RIOK3: variants seen among roughly 807,000 people sequenced by gnomAD.
RIOK3 encodes serine/threonine-protein kinase RIO3.
RIOK3 carries 40 observed loss-of-function variants against 63.5 expected under a neutral mutation model. The observed-to-expected ratio is 0.63, with a 90% CI of 0.49 to 0.82. The LOEUF is 0.82. Ranked by LOEUF, RIOK3 falls within the 40% of genes least tolerant of loss-of-function variation. The pLI, the probability that RIOK3 is intolerant of heterozygous loss-of-function variation, is 0.00. For synonymous variants in RIOK3, 193 were observed against 205.0 expected, an observed-to-expected ratio of 0.94 and a Z score of 0.50; for missense variants, 557 against 637.0, an observed-to-expected ratio of 0.87 and a Z score of 1.35.
chr18:23,468,221 C>T (rs1426930168), intron 7 of RIOK3, among the ~76,000 whole-genome samples: 1 of 150,874 alleles, frequency 6.6e-6, no homozygotes, highest in East Asian at 1.9e-4. Flanking sequence ...CTTTATTGGC[C>T]ATTTGTATTT....
chr18:23,467,622 C>T (rs778679484), intron 7 of RIOK3, 96 bp downstream of exon 7: 51 of 1,193,736 alleles, frequency 4.3e-5, no homozygotes, highest in Non-Finnish European at 6.1e-5. Context: ...TGCTGCATGG[C>T]AAGCAGAGTA....
intron 1 of RIOK3, among the ~76,000 whole-genome samples, chr18:23,456,802 T>A (rs2057344073): frequency 6.6e-6 from 1 of 152,244 alleles, no homozygotes. Context: ...ATCTTCTTTT[T>A]TTCATTCAAC....
intron 6 of RIOK3, among the ~76,000 whole-genome samples, 157 bp downstream of exon 6, chr18:23,466,433 C>T (rs2057408525): frequency 6.6e-6 from 1 of 152,018 alleles, no homozygotes; most frequent in South Asian, 2.1e-4. Flanking sequence ...TGGTGCCCGC[C>T]TGTAATCCCA....
intron 1 of RIOK3, among the ~76,000 whole-genome samples, chr18:23,459,938 C>G (rs1396647454): frequency 6.6e-6 from 1 of 152,206 alleles, no homozygotes; most frequent in Non-Finnish European, 1.5e-5. Context: ...AGGTGATTCG[C>G]CTGCCTCGGC....
intron 1 of RIOK3, 46 bp from the exon 2 acceptor site, chr18:23,462,918 T>A (rs751938573): frequency 1.2e-6 from 1 of 863,984 alleles, no homozygotes; most frequent in Non-Finnish European, 1.7e-6. Context: ...AGAGGTACTT[T>A]ATTTCATTAT....
Position 23,464,313 on chromosome 18 carries a change from GGT to G in RIOK3, c.433+1_433+2del, listed in dbSNP as rs756863702. ...TACTCGTGATGATCCCTACAGACCA[GGT>G]ACCAAAGTTTTTACTTTCTGGGGGC... is the stretch of plus-strand genomic sequence containing the variant. On this transcript the variant is annotated splice_donor_variant, in intron 4 of 12. Coordinates refer to ENST00000339486, the MANE Select transcript of RIOK3 (RefSeq NM_003831.5). LOFTEE classifies it high-confidence loss of function. 2 of 1,606,768 alleles carry G rather than the reference GGT, an allele frequency of 1.2e-6. No individual in the cohort carries two copies. Among genetic ancestry groups the G allele is most frequent in the Non-Finnish European group, 1.7e-6 (2 of 1,175,784 alleles).
intron 1 of RIOK3, among the ~76,000 whole-genome samples, chr18:23,455,384 T>C (rs1244691723): frequency 6.8e-6 from 1 of 146,074 alleles, no homozygotes; most frequent in Non-Finnish European, 1.5e-5. Flanking sequence ...CTTTCTTTTT[T>C]TTTTTTTCTT....
intron 8 of RIOK3, among the ~76,000 whole-genome samples, chr18:23,474,372 GA>G (rs375024601): frequency 1.3e-5 from 2 of 150,200 alleles, no homozygotes; most frequent in African/African-American, 2.4e-5. Flanking sequence ...GTCTCAAAAA[GA>G]AAAAAAAATG....
At position 23,473,424 on chromosome 18, in the gene RIOK3, C is replaced by T. The variant is rs1208463121; in HGVS notation, c.816-5C>T. The T allele has an allele frequency of 1.9e-6, 3 of 1,589,456 alleles. No individual in the cohort carries two copies. Among genetic ancestry groups the T allele is most frequent in the Non-Finnish European group, 2.6e-6 (3 of 1,167,032 alleles). Reference sequence around the variant, plus strand: ...TACTGACTTGATTTTTTTTCTTCCACTTAGCATGGAGGATGAAAAGGAAGA... The same window carrying T: ...TACTGACTTGATTTTTTTTCTTCCATTTAGCATGGAGGATGAAAAGGAAGA... On this transcript the variant is annotated splice_region_variant and splice_polypyrimidine_tract_variant and intron_variant, in intron 7 of 12. Transcript: ENST00000339486.
intron 8 of RIOK3, 82 bp from the exon 9 acceptor site, chr18:23,474,865 GC>G: frequency 9.6e-7 from 1 of 1,042,204 alleles, no homozygotes; most frequent in Non-Finnish European, 1.4e-6. Flanking sequence ...CTCATTGCAG[GC>G]CCTGATTAGA....
intron 1 of RIOK3, among the ~76,000 whole-genome samples, chr18:23,458,208 G>A (rs915508096): frequency 1.2e-4 from 18 of 151,780 alleles, no homozygotes; most frequent in Admixed American, 1.2e-3. Context: ...CCCGGCTGCT[G>A]TTTTTAATTT....
At chr18:23,463,812 T>C (rs541193909) in intron 2 of RIOK3, among the ~76,000 whole-genome samples, 155 bp from the exon 3 acceptor site, 1 of 152,328 alleles carries the variant, frequency 6.6e-6, no homozygotes, top group Non-Finnish European at 1.5e-5. Flanking sequence ...GCCATTGGTC[T>C]TAAGGCTAGC....
rs543947312 is a variant in RIOK3, at chr18:23,472,210, G to A, written c.816-1219G>A. On this transcript the variant is annotated intron_variant, in intron 7 of 12. Transcript: ENST00000339486. ...ATTGCACCACTGTACTCCAGCCTGG[G>A]TGACAAAGTGAGACTCTGTCTCAAA... Among the ~76,000 whole-genome samples, 4 of 151,126 alleles carry A rather than the reference G, an allele frequency of 2.6e-5. No individual in the cohort carries two copies. In the South Asian group the frequency reaches 6.3e-4, roughly 24 times the overall value.
At chr18:23,458,339 C>T (rs2057353867) in intron 1 of RIOK3, among the ~76,000 whole-genome samples, 1 of 152,080 alleles carries the variant, frequency 6.6e-6, no homozygotes, top group Non-Finnish European at 1.5e-5. Context: ...AATGTGCAGC[C>T]AGGCAGGTGG....
At chr18:23,457,408 C>T (rs191838096) in intron 1 of RIOK3, among the ~76,000 whole-genome samples, 9 of 152,118 alleles carry the variant, frequency 5.9e-5, no homozygotes, top group South Asian at 2.1e-4. Context: ...CTTAAGGAGA[C>T]GTGGCAACTA....
Position 23,463,071 on chromosome 18 carries a change from T to C in RIOK3, c.171T>C (p.Pro57=). 1.2e-6 allele frequency: 2 copies of C among 1,602,488 alleles called. No individual in the cohort carries two copies. The highest frequency in any genetic ancestry group is 1.7e-6 in the Non-Finnish European group (2 of 1,173,280). Residue 57 remains proline (P), a synonymous_variant, in exon 2 of 13, where the codon CCT becomes CCC. Transcript: ENST00000339486. ...TAGAAGAAGAAGCTGCCGTTTTTCCTGAAGTTGCGTAAGTAAAATTCACAA... is the reference window on the plus strand; with the variant it reads ...TAGAAGAAGAAGCTGCCGTTTTTCCCGAAGTTGCGTAAGTAAAATTCACAA... ...LQLEEEAAVF[P]EVAVAEGPFI... is the part of the protein sequence containing the mutation.
At chr18:23,472,022 C>A (rs901110163) in intron 7 of RIOK3, among the ~76,000 whole-genome samples, 4 of 152,026 alleles carry the variant, frequency 2.6e-5, no homozygotes, top group Non-Finnish European at 4.4e-5. Context: ...CACCTGAGGT[C>A]AGGAGTTCGA....
At chr18:23,472,049 A>G (rs539347800) in intron 7 of RIOK3, among the ~76,000 whole-genome samples, 3 of 152,230 alleles carry the variant, frequency 2.0e-5, no homozygotes, top group Admixed American at 1.3e-4. Flanking sequence ...CCTGGCCAAC[A>G]TGGTGAAACC....
chr18:23,475,489 T>C lies in RIOK3; in HGVS notation c.1173+382T>C, dbSNP rs561193288. ...AAAAAAAAAAAAAAAAATTAAAAATTAGCTGGGCACACACCTGTAGTCCCA... is the reference window on the plus strand; with the variant it reads ...AAAAAAAAAAAAAAAAATTAAAAATCAGCTGGGCACACACCTGTAGTCCCA... On this transcript the variant is annotated intron_variant, in intron 9 of 12. Coordinates refer to ENST00000339486, the MANE Select transcript of RIOK3 (RefSeq NM_003831.5). Among the ~76,000 whole-genome samples, 12 of 138,612 alleles carry C rather than the reference T, an allele frequency of 8.7e-5. No homozygotes were observed. The South Asian group carries it at 1.4e-3, about 16-fold the overall frequency. 90.9% of individuals were successfully genotyped at this position (138,612 alleles called of 152,430 possible).
Sources: gnomAD v4.1 joint callset for allele counts (sites outside exome capture counted in the v4.1 genomes callset) on GRCh38, gnomAD v4.1.1 for gene constraint, MANE v1.5 for transcripts, NCBI Gene and HGNC (gene_info 2026-07-23, HGNC 2026-07-21) for gene names.